Variants in NRXN1 observed in about 807,000 individuals in gnomAD.
NRXN1 encodes the protein neurexin-1.
In NRXN1, 39 loss-of-function variants were observed where a neutral mutation model predicts 150.9. The observed-to-expected ratio is 0.26, with a 90% CI of 0.20 to 0.34. The LOEUF is 0.34. Ranked by LOEUF, NRXN1 falls within the 10% of genes least tolerant of loss-of-function variation. NRXN1 has a pLI of 1.00. For missense variants in NRXN1, 1,815 were observed against 1,949.9 expected, an observed-to-expected ratio of 0.93 and a Z score of 1.30; for synonymous variants, 924 against 757.0, an observed-to-expected ratio of 1.22 and a Z score of -3.62.
intron 17 of NRXN1, among the ~76,000 whole-genome samples, chr2:50,278,303 A>T (rs1329036819): frequency 3.2e-5 from 4 of 126,634 alleles, no homozygotes; most frequent in African/African-American, 1.3e-4. Context: ...TATAATATAT[A>T]TTTTATATAT....
intron 5 of NRXN1, among the ~76,000 whole-genome samples, chr2:50,684,324 G>C (rs933012474): frequency 6.6e-6 from 1 of 151,938 alleles, no homozygotes; most frequent in Non-Finnish European, 1.5e-5. Flanking sequence ...ACAACAAGTT[G>C]AAACCCCGTC....
chr2:50,663,156 T>C (rs2104658580), intron 5 of NRXN1, among the ~76,000 whole-genome samples: 1 of 152,178 alleles, frequency 6.6e-6, no homozygotes, highest in Middle Eastern at 3.4e-3. Flanking sequence ...CTCTTTGACT[T>C]AAACCGTTCA....
intron 18 of NRXN1, among the ~76,000 whole-genome samples, chr2:50,206,494 C>T (rs1434559094): frequency 6.6e-6 from 1 of 151,778 alleles, no homozygotes; most frequent in Non-Finnish European, 1.5e-5. Flanking sequence ...TCATTATATC[C>T]CTTTGGAGAG....
chr2:50,094,499 G>C (rs1699965053), intron 18 of NRXN1, among the ~76,000 whole-genome samples: 1 of 152,160 alleles, frequency 6.6e-6, no homozygotes, highest in African/African-American at 2.4e-5. Flanking sequence ...TCTGGGACTT[G>C]GTGGGTGGCA....
At chr2:50,032,914 T>A (rs1285552406) in intron 21 of NRXN1, among the ~76,000 whole-genome samples, 4 of 151,410 alleles carry the variant, frequency 2.6e-5, no homozygotes. Context: ...CAGTCTGCAG[T>A]GTTTTCTTTT....
intron 22 of NRXN1, among the ~76,000 whole-genome samples, chr2:49,936,594 C>T (rs542034436): frequency 5.3e-4 from 81 of 152,142 alleles, no homozygotes; most frequent in South Asian, 5.0e-3. Flanking sequence ...GAAAGGGCTG[C>T]GTCTCAAATT....
At chr2:50,718,124 T>C (rs1445248868) in intron 5 of NRXN1, among the ~76,000 whole-genome samples, 1 of 152,192 alleles carries the variant, frequency 6.6e-6, no homozygotes, top group Admixed American at 6.5e-5. Context: ...TCATCACGCT[T>C]TGAAAGGCAG....
At chr2:50,085,223 G>T (rs1438850123) in intron 19 of NRXN1, among the ~76,000 whole-genome samples, 2 of 152,116 alleles carry the variant, frequency 1.3e-5, no homozygotes, top group Non-Finnish European at 2.9e-5. Context: ...GAAAAAAAAT[G>T]CTTTGACCTA....
chr2:50,108,395 C>T (rs1283919400), intron 18 of NRXN1, among the ~76,000 whole-genome samples: 2 of 151,928 alleles, frequency 1.3e-5, no homozygotes, highest in Admixed American at 1.3e-4. Context: ...CTGAGGTAAC[C>T]ATTATTAAGA....
intron 2 of NRXN1, among the ~76,000 whole-genome samples, chr2:51,001,950 T>A (rs1330478131): frequency 2.6e-5 from 4 of 151,898 alleles, no homozygotes; most frequent in Non-Finnish European, 5.9e-5. Flanking sequence ...GAAAGGAACA[T>A]CCTTGTCTCT....
chr2:50,107,599 A>AG (rs1471858049), intron 18 of NRXN1, among the ~76,000 whole-genome samples: 1 of 137,592 alleles, frequency 7.3e-6, no homozygotes, highest in Non-Finnish European at 1.6e-5. Context: ...ATTGTAAGAA[A>AG]AAAAAACTAC....
intron 13 of NRXN1, among the ~76,000 whole-genome samples, chr2:50,502,339 C>T (rs1163799875): frequency 6.6e-6 from 1 of 152,074 alleles, no homozygotes; most frequent in Non-Finnish European, 1.5e-5. Flanking sequence ...GACAAACAGT[C>T]GTAAAGTAAT....
At chr2:50,658,812 A>T (rs1686871889) in intron 5 of NRXN1, among the ~76,000 whole-genome samples, 1 of 152,038 alleles carries the variant, frequency 6.6e-6, no homozygotes, top group Non-Finnish European at 1.5e-5. Context: ...TATGTAGCCC[A>T]AGTTTGAAGA....
At chr2:50,110,085 T>A (rs1702175227) in intron 18 of NRXN1, among the ~76,000 whole-genome samples, 1 of 152,260 alleles carries the variant, frequency 6.6e-6, no homozygotes, top group South Asian at 2.1e-4. Context: ...GAGTCTCTTA[T>A]CCTTCCTGTC....
chr2:50,997,490 A>G (rs1472458645), intron 2 of NRXN1, among the ~76,000 whole-genome samples: 1 of 107,634 alleles, frequency 9.3e-6, no homozygotes, highest in Non-Finnish European at 1.8e-5. Context: ...ACTTTTAAAT[A>G]TTTGAAGGGG....
chr2:50,962,773 G>T (rs958004788), intron 2 of NRXN1, among the ~76,000 whole-genome samples: 2 of 151,506 alleles, frequency 1.3e-5, no homozygotes, highest in Non-Finnish European at 3.0e-5. Context: ...GACCAGTTCT[G>T]TGTTCAATTA....
intron 3 of NRXN1, among the ~76,000 whole-genome samples, chr2:50,924,690 T>C (rs909681997): frequency 2.6e-5 from 4 of 151,740 alleles, no homozygotes; most frequent in Non-Finnish European, 5.9e-5. Context: ...CATATATGGA[T>C]ACAACACTTA....
intron 5 of NRXN1, among the ~76,000 whole-genome samples, chr2:50,720,848 C>T (rs990668543): frequency 2.2e-4 from 33 of 152,098 alleles, no homozygotes; most frequent in Non-Finnish European, 4.4e-4. Context: ...CCTCTCCCAC[C>T]CCATCACTGA....
chr2:50,783,554 GCA>G (rs1704642004), intron 5 of NRXN1, among the ~76,000 whole-genome samples: 1 of 151,952 alleles, frequency 6.6e-6, no homozygotes, highest in South Asian at 2.1e-4. Flanking sequence ...TAAATCACAG[GCA>G]CAGTCATAAA....
Sources: allele counts gnomAD v4.1 joint callset (sites outside exome capture counted in the v4.1 genomes callset), GRCh38; gene constraint gnomAD v4.1.1; transcripts MANE v1.5; gene names NCBI Gene and HGNC (gene_info 2026-07-23, HGNC 2026-07-21).